MNAT1: variants seen among roughly 807,000 people sequenced by gnomAD.
The protein encoded by MNAT1 is CDK-activating kinase assembly factor MAT1.
In MNAT1, 43 loss-of-function variants were observed where a neutral mutation model predicts 42.0. The ratio of observed to expected loss-of-function variants is 1.02; its 90% CI spans 0.80 to 1.32. The LOEUF (loss-of-function observed/expected upper bound fraction) is 1.32. Ranked by LOEUF, MNAT1 falls within the 40% of genes most tolerant of loss-of-function variation. MNAT1 has a pLI of 0.00. For synonymous variants in MNAT1, 118 were observed against 120.0 expected, an observed-to-expected ratio of 0.98 and a Z score of 0.11; for missense variants, 306 against 350.4, an observed-to-expected ratio of 0.87 and a Z score of 1.01.
chr14:60,889,342 C>A (rs989738672), intron 7 of MNAT1, among the ~76,000 whole-genome samples: 1 of 152,184 alleles, frequency 6.6e-6, no homozygotes, highest in Non-Finnish European at 1.5e-5. Context: ...GAAAAACAAG[C>A]AATGGGGAAA....
intron 1 of MNAT1, among the ~76,000 whole-genome samples, chr14:60,772,061 G>A (rs188399633): frequency 1.3e-4 from 20 of 152,286 alleles, no homozygotes; most frequent in Admixed American, 1.3e-3. Context: ...GAATTAAAGA[G>A]CGCATTTTTA....
intron 7 of MNAT1, among the ~76,000 whole-genome samples, chr14:60,940,827 C>G (rs930621351): frequency 6.6e-6 from 1 of 152,132 alleles, no homozygotes; most frequent in African/African-American, 2.4e-5. Context: ...TATTCCTTCT[C>G]ACAAATCTCT....
At chr14:60,912,290 G>A (rs1324312556) in intron 7 of MNAT1, among the ~76,000 whole-genome samples, 3 of 152,024 alleles carry the variant, frequency 2.0e-5, no homozygotes, top group East Asian at 1.9e-4. Context: ...GCCAGTGTGT[G>A]TCTTTTAATT....
At chr14:60,818,567 TG>T (rs1407907885) in intron 5 of MNAT1, among the ~76,000 whole-genome samples, 154 bp from the exon 6 acceptor site, 2 of 152,128 alleles carry the variant, frequency 1.3e-5, no homozygotes, top group African/African-American at 4.8e-5. Context: ...TTTCTTATTA[TG>T]GAATGTTAAT....
intron 6 of MNAT1, among the ~76,000 whole-genome samples, chr14:60,870,690 G>A (rs1465108888): frequency 6.6e-6 from 1 of 152,084 alleles, no homozygotes; most frequent in African/African-American, 2.4e-5. Context: ...GGCAGCAATG[G>A]TGGATTGATT....
intron 6 of MNAT1, among the ~76,000 whole-genome samples, chr14:60,869,610 G>T (rs1039437445): frequency 2.0e-5 from 3 of 152,114 alleles, no homozygotes; most frequent in African/African-American, 7.2e-5. Flanking sequence ...TTAAAATTGT[G>T]TTAAAGGATT....
intron 7 of MNAT1, among the ~76,000 whole-genome samples, chr14:60,897,039 T>C (rs1318215457): frequency 6.6e-6 from 1 of 152,194 alleles, no homozygotes; most frequent in Admixed American, 6.5e-5. Context: ...ATTTTAAACA[T>C]TTATAATTTA....
intron 7 of MNAT1, among the ~76,000 whole-genome samples, chr14:60,905,658 T>A (rs1377859117): frequency 6.6e-6 from 1 of 151,992 alleles, no homozygotes; most frequent in Non-Finnish European, 1.5e-5. Flanking sequence ...GGGGTGGAGG[T>A]GAAAGTCATG....
intron 1 of MNAT1, among the ~76,000 whole-genome samples, chr14:60,744,320 T>C (rs1031094784): frequency 6.6e-6 from 1 of 152,036 alleles, no homozygotes; most frequent in Non-Finnish European, 1.5e-5. Context: ...TTAGTAGAGA[T>C]GGGGTTTTGC....
intron 1 of MNAT1, among the ~76,000 whole-genome samples, chr14:60,775,739 G>A (rs1412504730): frequency 6.6e-6 from 1 of 152,116 alleles, no homozygotes; most frequent in Non-Finnish European, 1.5e-5. Context: ...TAGATTGATG[G>A]CATTGGTGTT....
At chr14:60,766,350 A>G (rs1224655859) in intron 1 of MNAT1, among the ~76,000 whole-genome samples, 1 of 151,492 alleles carries the variant, frequency 6.6e-6, no homozygotes, top group Non-Finnish European at 1.5e-5. Flanking sequence ...CTGTCAAAAA[A>G]AAAAAAAGAA....
At chr14:60,902,345 A>G (rs925692343) in intron 7 of MNAT1, among the ~76,000 whole-genome samples, 4 of 152,212 alleles carry the variant, frequency 2.6e-5, no homozygotes, top group African/African-American at 9.6e-5. Flanking sequence ...ACTGAGAATT[A>G]TGCAAGGAAT....
intron 6 of MNAT1, among the ~76,000 whole-genome samples, chr14:60,862,396 G>T (rs1485696778): frequency 6.6e-6 from 1 of 152,162 alleles, no homozygotes; most frequent in African/African-American, 2.4e-5. Context: ...GCTCTCAAAG[G>T]TTGTAAAAGA....
chr14:60,922,567 G>C (rs1282095852), intron 7 of MNAT1, among the ~76,000 whole-genome samples: 1 of 151,916 alleles, frequency 6.6e-6, no homozygotes, highest in Non-Finnish European at 1.5e-5. Flanking sequence ...TCTGTAGATT[G>C]ATCTTGGTTC....
intron 7 of MNAT1, among the ~76,000 whole-genome samples, chr14:60,905,756 C>G (rs1244969691): frequency 1.3e-5 from 2 of 151,970 alleles, no homozygotes; most frequent in African/African-American, 2.4e-5. Flanking sequence ...ATTTACACTT[C>G]CTTCGTTTTT....
intron 1 of MNAT1, among the ~76,000 whole-genome samples, chr14:60,763,344 G>T (rs754253614): frequency 3.9e-5 from 6 of 152,072 alleles, no homozygotes; most frequent in Non-Finnish European, 7.4e-5. Flanking sequence ...AAGTGGAGTG[G>T]TTTATTATTT....
intron 3 of MNAT1, among the ~76,000 whole-genome samples, chr14:60,800,835 T>C (rs1016865135): frequency 2.7e-4 from 41 of 152,270 alleles, no homozygotes; most frequent in African/African-American, 9.9e-4. Context: ...GGAAGTAACC[T>C]CTTGGATTTA....
chr14:60,882,278 C>T (rs2034568310), intron 7 of MNAT1, among the ~76,000 whole-genome samples: 1 of 152,064 alleles, frequency 6.6e-6, no homozygotes, highest in South Asian at 2.1e-4. Flanking sequence ...GACCTTCCTT[C>T]TACTCCCTAT....
chr14:60,818,998 C>T, intron 6 of MNAT1, 151 bp downstream of exon 6: 1 of 761,334 alleles, frequency 1.3e-6, no homozygotes, highest in Non-Finnish European at 2.0e-6. Flanking sequence ...TGGATGGGTG[C>T]AGTATGAGGA....
Sources: gnomAD v4.1 joint callset for allele counts (sites outside exome capture counted in the v4.1 genomes callset) on GRCh38, gnomAD v4.1.1 for gene constraint, MANE v1.5 for transcripts, NCBI Gene and HGNC (gene_info 2026-07-23, HGNC 2026-07-21) for gene names.